NAALADL2: variants seen among roughly 807,000 people sequenced by gnomAD.
NAALADL2 encodes inactive N-acetylated-alpha-linked acidic dipeptidase-like protein 2.
In NAALADL2, 76 loss-of-function variants were observed where a neutral mutation model predicts 87.2. That is an observed-to-expected ratio of 0.87 (90% confidence interval 0.72 to 1.05). The LOEUF is 1.05. NAALADL2 is among the 50% of genes least tolerant of loss of function. The probability of loss-of-function intolerance (pLI) is 0.00; values close to 1 mark genes in which losing one functional copy is unlikely to be tolerated. For missense variants in NAALADL2, 1,089 were observed against 945.8 expected, an observed-to-expected ratio of 1.15 and a Z score of -1.99; for synonymous variants, 354 against 331.0, an observed-to-expected ratio of 1.07 and a Z score of -0.75.
chr3:174,831,186 A>T, intron 3 of NAALADL2, among the ~76,000 whole-genome samples: 1 of 151,900 alleles, frequency 6.6e-6, no homozygotes, highest in Non-Finnish European at 1.5e-5. Flanking sequence ...GTCTTGTGCC[A>T]GTTTTCAAAG....
chr3:175,146,943 T>C (rs1020404298), intron 2 of NAALADL2, among the ~76,000 whole-genome samples: 4 of 152,158 alleles, frequency 2.6e-5, no homozygotes, highest in Non-Finnish European at 4.4e-5. Flanking sequence ...ATGATGTAAA[T>C]GGCTAAATTT....
At chr3:175,793,714 A>G (rs183590842) in intron 13 of NAALADL2, among the ~76,000 whole-genome samples, 132 of 152,334 alleles carry the variant, frequency 8.7e-4, no homozygotes, top group Non-Finnish European at 1.1e-3. Flanking sequence ...AGTATTTATT[A>G]AAGTATTATA....
intron 2 of NAALADL2, among the ~76,000 whole-genome samples, chr3:175,098,997 T>C (rs2108392017): frequency 6.6e-6 from 1 of 152,204 alleles, no homozygotes; most frequent in Admixed American, 6.5e-5. Flanking sequence ...TTAGTAAGTT[T>C]ATAGTCAAAT....
chr3:175,471,512 A>AT, intron 8 of NAALADL2, 127 bp from the exon 9 acceptor site: 1 of 614,876 alleles, frequency 1.6e-6, no homozygotes, highest in South Asian at 2.1e-5. Flanking sequence ...AAAAAAAAAA[A>AT]GAAGGTAATT....
rs1765410966 is a variant in NAALADL2 at position 175,365,058 on chromosome 3, AACTTATTTAAGTC to A, written c.1090+40737_1090+40749del. ...CATCATATAGCACAGCTTTCCATAT[AACTTATTTAAGTC>A]ACTATTTGGAAATTTATTCTATGCC... On this transcript the variant is annotated intron_variant, in intron 5 of 13. Transcript: ENST00000454872. Among the ~76,000 whole-genome samples, 2 of 147,676 alleles carry A rather than the reference AACTTATTTAAGTC, an allele frequency of 1.4e-5. 1 individual carries two copies.
At chr3:175,686,971 T>A (rs886287893) in intron 11 of NAALADL2, among the ~76,000 whole-genome samples, 1 of 152,166 alleles carries the variant, frequency 6.6e-6, no homozygotes, top group Non-Finnish European at 1.5e-5. Context: ...TCATTCCCAT[T>A]TTCAGATGAG....
chr3:174,759,366 C>T (rs1712589419), intron 3 of NAALADL2, among the ~76,000 whole-genome samples: 1 of 152,242 alleles, frequency 6.6e-6, no homozygotes, highest in South Asian at 2.1e-4. Flanking sequence ...CAAACTCTTC[C>T]CTTGCTTTTT....
intron 2 of NAALADL2, among the ~76,000 whole-genome samples, chr3:175,152,404 T>C (rs1441009560): frequency 1.3e-5 from 2 of 152,162 alleles, no homozygotes; most frequent in African/African-American, 2.4e-5. Context: ...TTCCTTCTGC[T>C]ATGGTCCATG....
intron 5 of NAALADL2, among the ~76,000 whole-genome samples, chr3:175,419,413 CA>C (rs1715262063): frequency 6.6e-6 from 1 of 151,300 alleles, no homozygotes; most frequent in Non-Finnish European, 1.5e-5. Context: ...ATTATTATAG[CA>C]AAAAATTATT....
chr3:175,767,772 C>T (rs1460579589), intron 13 of NAALADL2: 1 of 152,086 alleles, frequency 6.6e-6, no homozygotes, highest in Non-Finnish European at 1.5e-5. Context: ...ATAGAACCTT[C>T]AGTGACAGTT....
At chr3:175,252,569 A>G (rs1194391128) in intron 3 of NAALADL2, among the ~76,000 whole-genome samples, 1 of 152,154 alleles carries the variant, frequency 6.6e-6, no homozygotes, top group Non-Finnish European at 1.5e-5. Flanking sequence ...GAATCCTACA[A>G]TGGCCTCTAA....
At chr3:175,305,227 GGT>G (rs547744658) in intron 4 of NAALADL2, among the ~76,000 whole-genome samples, 14 of 147,292 alleles carry the variant, frequency 9.5e-5, no homozygotes, top group Admixed American at 4.7e-4. Context: ...ATGCTTACAT[GGT>G]GTGTGTGTGT....
chr3:175,345,816 T>C (rs1458739869), intron 5 of NAALADL2, among the ~76,000 whole-genome samples: 1 of 152,126 alleles, frequency 6.6e-6, no homozygotes, highest in African/African-American at 2.4e-5. Context: ...GAAATTGCTG[T>C]TGAGGCTTGC....
intron 5 of NAALADL2, among the ~76,000 whole-genome samples, chr3:175,401,583 A>G (rs578237637): frequency 3.9e-5 from 6 of 152,206 alleles, no homozygotes; most frequent in African/African-American, 1.4e-4. Context: ...GGTATAGCCT[A>G]TTGCTCCTAG....
At chr3:175,731,122 T>C (rs1178397996) in intron 11 of NAALADL2, among the ~76,000 whole-genome samples, 1 of 152,230 alleles carries the variant, frequency 6.6e-6, no homozygotes, top group Non-Finnish European at 1.5e-5. Flanking sequence ...GAGAGATTTT[T>C]TTCTAGATTC....
chr3:174,773,941 T>C (rs997529504), intron 3 of NAALADL2, among the ~76,000 whole-genome samples: 1 of 152,148 alleles, frequency 6.6e-6, no homozygotes, highest in African/African-American at 2.4e-5. Context: ...TGAAATTCTT[T>C]CTTTTTCAGT....
At chr3:175,768,894 G>C (rs965389741) in intron 13 of NAALADL2, among the ~76,000 whole-genome samples, 1 of 151,464 alleles carries the variant, frequency 6.6e-6, no homozygotes, top group Non-Finnish European at 1.5e-5. Flanking sequence ...AGAAAGGAGT[G>C]GTATAAAAAG....
intron 1 of NAALADL2, among the ~76,000 whole-genome samples, chr3:174,978,462 T>C (rs1326664389): frequency 6.6e-6 from 1 of 152,202 alleles, no homozygotes; most frequent in Non-Finnish European, 1.5e-5. Flanking sequence ...TGTTTGCTGT[T>C]AGAGATTCAC....
At chr3:175,487,199 A>C (rs1727403366) in intron 9 of NAALADL2, among the ~76,000 whole-genome samples, 1 of 152,182 alleles carries the variant, frequency 6.6e-6, no homozygotes, top group African/African-American at 2.4e-5. Flanking sequence ...TCACAGCGAG[A>C]CCCACCTCAT....
Sources: allele counts gnomAD v4.1 joint callset (sites outside exome capture counted in the v4.1 genomes callset), GRCh38; gene constraint gnomAD v4.1.1; transcripts MANE v1.5; gene names NCBI Gene and HGNC (gene_info 2026-07-23, HGNC 2026-07-21).